The following TSNARE1 variants were observed in gnomAD, a reference collection of about 807,000 sequenced individuals.
TSNARE1 encodes the protein t-SNARE domain containing 1, also known as t-SNARE domain-containing protein 1.
TSNARE1 carries 49 observed loss-of-function variants against 62.0 expected under a neutral mutation model. The ratio of observed to expected loss-of-function variants is 0.79; its 90% confidence interval spans 0.63 to 1.00. The LOEUF is 1.00. TSNARE1 is among the 50% of genes least tolerant of loss of function. TSNARE1 has a pLI of 0.00. For missense variants in TSNARE1, 755 were observed against 700.1 expected (o/e 1.08, Z -0.88); for synonymous variants, 328 against 294.4 (o/e 1.11, Z -1.17).
chr8:142,365,059 G>A (rs776509659), intron 1 of TSNARE1, among the ~76,000 whole-genome samples: 1 of 152,188 alleles, frequency 6.6e-6, no homozygotes, highest in Non-Finnish European at 1.5e-5. Flanking sequence ...AAAAATGTAA[G>A]AAAATAACTT....
chr8:142,307,654 C>A, intron 9 of TSNARE1, among the ~76,000 whole-genome samples: 1 of 152,162 alleles, frequency 6.6e-6, no homozygotes, highest in East Asian at 1.9e-4. Flanking sequence ...GAACAGCTGC[C>A]ATCTTTTAAA....
chr8:142,280,626 G>A (rs547374788), intron 11 of TSNARE1, among the ~76,000 whole-genome samples: 1 of 152,294 alleles, frequency 6.6e-6, no homozygotes, highest in South Asian at 2.1e-4. Flanking sequence ...CTGCTGGCAT[G>A]AGTGCCCCTC....
rs56675860 is a variant in TSNARE1, at chr8:142,258,477, C to CT, written c.1446+16303dup. Reference sequence around the variant, plus strand: ...GACCCAGTCAGCTGCAGAACTTGTGCTTTTTTTTTTTTTTTTTTTTTTGAG... The same window carrying CT: ...GACCCAGTCAGCTGCAGAACTTGTGCTTTTTTTTTTTTTTTTTTTTTTTGAG... On this transcript the variant is annotated intron_variant, in intron 12 of 13. Coordinates refer to ENST00000524325, the MANE Select transcript of TSNARE1 (RefSeq NM_145003.5). Among the ~76,000 whole-genome samples, 857 of 107,208 alleles carry CT rather than the reference C, an allele frequency of 8.0e-3. 13 individuals carry two copies. Among genetic ancestry groups the CT allele is most frequent in the African/African-American group, 0.017 (430 of 25,464 alleles). The allele number at this position is 107,208 out of a possible 152,430, so 70.3% of individuals were successfully genotyped here. A position where few individuals can be genotyped will look rare whatever the true frequency, so the allele number is the denominator to read the frequency against.
In TSNARE1 at chr8:142,343,975, G is replaced by C. The variant is rs1462212498; in HGVS notation, c.736C>G (p.Pro246Ala). 17 of 1,531,664 alleles carry C rather than the reference G, an allele frequency of 1.1e-5. No homozygotes were observed. The highest frequency in any genetic ancestry group is 1.5e-5 in the Non-Finnish European group (17 of 1,138,512). The allele number at this position is 1,531,664 out of a possible 1,614,324, so 94.9% of individuals were successfully genotyped here. A position where few individuals can be genotyped will look rare whatever the true frequency, so the allele number is the denominator to read the frequency against. ...ALPSEGFSLE[P>A]PRATQVDPCN... ...TGAGCAAGGAACTCACCTCTGGGCG[G>C]CTCCAGACTGAAGCCCTCGGAGGGC... The change falls in exon 4 of 14, where the codon CCG becomes GCG. Residue 246 changes from proline to alanine, a missense_variant. Physicochemically the swap from Pro to Ala is conservative, Grantham distance 27. Transcript: ENST00000524325.
At chr8:142,271,328 A>T in intron 12 of TSNARE1, 1 of 1,151,664 alleles carries the variant, frequency 8.7e-7, no homozygotes, top group Non-Finnish European at 1.1e-6. Context: ...CAGCCGCTGC[A>T]GCAGCAGGTT....
chr8:142,396,423 C>A (rs1837901720), intron 1 of TSNARE1, among the ~76,000 whole-genome samples: 1 of 152,144 alleles, frequency 6.6e-6, no homozygotes, highest in South Asian at 2.1e-4. Context: ...TCAGAAATCT[C>A]AACCTCCATA....
intron 1 of TSNARE1, among the ~76,000 whole-genome samples, chr8:142,375,831 A>G (rs910152474): frequency 3.3e-5 from 5 of 152,162 alleles, no homozygotes; most frequent in Non-Finnish European, 7.4e-5. Context: ...GCTGGCTCCC[A>G]TGAGGCTCCA....
intron 12 of TSNARE1, among the ~76,000 whole-genome samples, chr8:142,262,689 T>TTGCTCC (rs1333825133): frequency 1.3e-5 from 2 of 152,176 alleles, no homozygotes; most frequent in African/African-American, 4.8e-5. Context: ...CCCACCTCTC[T>TTGCTCC]TGCTCCTGCT....
Position 142,234,427 on chromosome 8 carries a change from C to T in TSNARE1, c.1447-4848G>A, listed in dbSNP as rs569555949. ...CAAGATGGCACCATGACCACAACCA[C>T]GGGTTCAGGGAAGGTTCCAGGATGG... On this transcript the variant is annotated intron_variant, in intron 12 of 13. Coordinates refer to ENST00000524325, the MANE Select transcript of TSNARE1 (RefSeq NM_145003.5). 8.6e-4 allele frequency among the ~76,000 whole-genome samples: 119 copies of T among 138,674 alleles called. 1 individual carries two copies. Among genetic ancestry groups the T allele is most frequent in the Non-Finnish European group, 2.9e-4 (19 of 65,054 alleles). The allele number at this position is 138,674 out of a possible 152,430, so 91.0% of individuals were successfully genotyped here. A position where few individuals can be genotyped will look rare whatever the true frequency, so the allele number is the denominator to read the frequency against.
At chr8:142,309,255 T>C (rs571689824) in intron 9 of TSNARE1, among the ~76,000 whole-genome samples, 26 of 152,306 alleles carry the variant, frequency 1.7e-4, no homozygotes, top group African/African-American at 5.8e-4. Context: ...ACTCTTTTTT[T>C]TCATGCCATA....
At chr8:142,343,756 G>A (rs1264684532) in intron 4 of TSNARE1, among the ~76,000 whole-genome samples, 2 of 141,252 alleles carry the variant, frequency 1.4e-5, no homozygotes, top group Non-Finnish European at 3.1e-5. Context: ...TGGGGAGTGG[G>A]GGGAGGAGGG....
At chr8:142,245,909 TGCA>T (rs1258005937) in intron 12 of TSNARE1, among the ~76,000 whole-genome samples, 6 of 152,180 alleles carry the variant, frequency 3.9e-5, no homozygotes, top group African/African-American at 1.4e-4. Flanking sequence ...GAAAAGCTCA[TGCA>T]ACAACAATAC....
intron 12 of TSNARE1, among the ~76,000 whole-genome samples, chr8:142,260,640 C>G (rs749562433): frequency 4.4e-4 from 67 of 152,118 alleles, no homozygotes; most frequent in Non-Finnish European, 8.1e-4. Flanking sequence ...AGAGACCTCT[C>G]TGCATGTCTT....
At chr8:142,329,079 G>A (rs1375755263) in intron 6 of TSNARE1, among the ~76,000 whole-genome samples, 1 of 152,182 alleles carries the variant, frequency 6.6e-6, no homozygotes, top group Non-Finnish European at 1.5e-5. Flanking sequence ...TCAATGTGGA[G>A]GAAATATAGA....
intron 2 of TSNARE1, among the ~76,000 whole-genome samples, chr8:142,354,342 C>G (rs1180972015): frequency 6.6e-6 from 1 of 152,098 alleles, no homozygotes; most frequent in Non-Finnish European, 1.5e-5. Context: ...CTCAGCCACT[C>G]TCCAAACACC....
At chr8:142,328,479 C>G (rs1177023014) in intron 6 of TSNARE1, among the ~76,000 whole-genome samples, 1 of 152,208 alleles carries the variant, frequency 6.6e-6, no homozygotes, top group African/African-American at 2.4e-5. Flanking sequence ...GGACCCAATG[C>G]GTAAGGGATA....
At chr8:142,313,927 C>T (rs1353612031) in intron 9 of TSNARE1, among the ~76,000 whole-genome samples, 8 of 152,162 alleles carry the variant, frequency 5.3e-5, no homozygotes, top group African/African-American at 4.8e-5. Flanking sequence ...GACAGGTGCT[C>T]GCCACCACGC....
intron 11 of TSNARE1, chr8:142,275,172 G>A (rs1820249575): frequency 1.0e-6 from 1 of 985,284 alleles, no homozygotes; most frequent in African/African-American, 1.7e-5. Flanking sequence ...GTGAGGGCTG[G>A]GGTCAAGTCC....
At chr8:142,364,632 T>A (rs976139710) in intron 1 of TSNARE1, among the ~76,000 whole-genome samples, 1 of 152,090 alleles carries the variant, frequency 6.6e-6, no homozygotes, top group African/African-American at 2.4e-5. Context: ...AAGTAAAAGA[T>A]AAGTCTGGAT....
Sources: allele counts gnomAD v4.1 joint callset (sites outside exome capture counted in the v4.1 genomes callset), GRCh38; gene constraint gnomAD v4.1.1; transcripts MANE v1.5; gene names NCBI Gene and HGNC (gene_info 2026-07-23, HGNC 2026-07-21).